Variants in MYO1B observed in about 807,000 individuals in gnomAD.
The protein encoded by MYO1B is myosin IB.
MYO1B carries 72 observed loss-of-function variants against 159.7 expected under a neutral mutation model. That is an observed-to-expected ratio of 0.45 (90% CI 0.37 to 0.55). MYO1B has a LOEUF of 0.55. MYO1B is among the 20% of genes least tolerant of loss of function. MYO1B has a pLI of 0.00. For synonymous variants in MYO1B, 468 were observed against 473.8 expected (o/e 0.99, Z 0.16); for missense variants, 1,062 against 1,364.8 (o/e 0.78, Z 3.50).
intron 11 of MYO1B, among the ~76,000 whole-genome samples, chr2:191,367,910 A>T (rs1215178025): frequency 6.6e-6 from 1 of 152,242 alleles, no homozygotes; most frequent in Non-Finnish European, 1.5e-5. Flanking sequence ...GAAAGCAAAA[A>T]CTAGAAGAAA....
At chr2:191,371,740 C>G (rs1694377530) in intron 13 of MYO1B, among the ~76,000 whole-genome samples, 1 of 152,160 alleles carries the variant, frequency 6.6e-6, no homozygotes, top group African/African-American at 2.4e-5. Context: ...TGTGGTAAGT[C>G]TCTGACTCCC....
intron 7 of MYO1B, among the ~76,000 whole-genome samples, chr2:191,354,797 A>G (rs1016076019): frequency 1.3e-5 from 2 of 152,168 alleles, no homozygotes; most frequent in African/African-American, 4.8e-5. Context: ...GCTGTACTCT[A>G]TGTAGTCACA....
chr2:191,271,439 C>A lies in MYO1B; in HGVS notation c.-9-5448C>A, dbSNP rs111534218. On this transcript the variant is annotated intron_variant, in intron 1 of 30. Transcript: ENST00000392318. ...CTGCAATCCCAGCACTTTGGAACTT[C>A]AAGGCAGAAGGATCATTTGAAACCT... Among the ~76,000 whole-genome samples, 563 of 152,182 alleles carry A rather than the reference C, an allele frequency of 3.7e-3. 3 individuals are homozygous for A. Among genetic ancestry groups the A allele is most frequent in the Non-Finnish European group, 6.0e-3 (410 of 68,018 alleles).
intron 13 of MYO1B, among the ~76,000 whole-genome samples, chr2:191,374,462 G>T (rs1694572521): frequency 6.6e-6 from 1 of 152,162 alleles, no homozygotes; most frequent in African/African-American, 2.4e-5. Flanking sequence ...GCGTCTAGTT[G>T]TCCCATGGCC....
intron 1 of MYO1B, among the ~76,000 whole-genome samples, chr2:191,271,905 A>G (rs1000566014): frequency 5.3e-5 from 8 of 152,180 alleles, no homozygotes; most frequent in African/African-American, 1.9e-4. Context: ...TGATGTTGAC[A>G]TATGGTAGGT....
chr2:191,275,915 A>C (rs571437351), intron 1 of MYO1B, among the ~76,000 whole-genome samples: 1 of 152,254 alleles, frequency 6.6e-6, no homozygotes, highest in Non-Finnish European at 1.5e-5. Context: ...GATTTTTAGT[A>C]CTCTTGACAG....
intron 1 of MYO1B, among the ~76,000 whole-genome samples, chr2:191,260,109 C>G (rs545829255): frequency 6.6e-6 from 1 of 151,950 alleles, no homozygotes; most frequent in Non-Finnish European, 1.5e-5. Flanking sequence ...AAGGAGTGTC[C>G]GGAGGTGGGA....
intron 2 of MYO1B, among the ~76,000 whole-genome samples, chr2:191,285,786 A>G (rs975255518): frequency 6.6e-6 from 1 of 152,170 alleles, no homozygotes; most frequent in Non-Finnish European, 1.5e-5. Flanking sequence ...GCTCATTGAT[A>G]CCAGAACTGG....
intron 24 of MYO1B, among the ~76,000 whole-genome samples, chr2:191,406,335 T>C: frequency 6.6e-6 from 1 of 152,242 alleles, no homozygotes; most frequent in Non-Finnish European, 1.5e-5. Flanking sequence ...AATAACACTT[T>C]TAATTTCCTT....
At chr2:191,389,105 A>G (rs1574580370) in intron 17 of MYO1B, among the ~76,000 whole-genome samples, 1 of 152,090 alleles carries the variant, frequency 6.6e-6, no homozygotes, top group Non-Finnish European at 1.5e-5. Flanking sequence ...TGTTGAATGT[A>G]TATGTAGGGA....
At chr2:191,251,228 G>T (rs1484843170) in intron 1 of MYO1B, among the ~76,000 whole-genome samples, 1 of 152,188 alleles carries the variant, frequency 6.6e-6, no homozygotes, top group Non-Finnish European at 1.5e-5. Flanking sequence ...GAGTTTCAGG[G>T]CGTTTGTCTG....
intron 14 of MYO1B, among the ~76,000 whole-genome samples, chr2:191,382,209 CTTTT>C (rs545680230): frequency 2.0e-5 from 3 of 151,270 alleles, no homozygotes; most frequent in African/African-American, 7.3e-5. Flanking sequence ...TTTTTATTTC[CTTTT>C]TTGTTTATTT....
chr2:191,322,950 T>G (rs944771850), intron 3 of MYO1B, among the ~76,000 whole-genome samples: 2 of 152,142 alleles, frequency 1.3e-5, no homozygotes, highest in African/African-American at 4.8e-5. Context: ...GGTTAGCTTT[T>G]TTCGTGGTTA....
intron 3 of MYO1B, among the ~76,000 whole-genome samples, chr2:191,297,564 A>ATAT (rs1446361045): frequency 2.6e-5 from 4 of 152,226 alleles, no homozygotes; most frequent in Non-Finnish European, 4.4e-5. Context: ...TATGCTGAAA[A>ATAT]CAACCCCAAA....
chr2:191,262,465 T>C (rs1183828845), intron 1 of MYO1B, among the ~76,000 whole-genome samples: 1 of 152,192 alleles, frequency 6.6e-6, no homozygotes, highest in Non-Finnish European at 1.5e-5. Context: ...TTTTGGTGGC[T>C]CCCTGTCATC....
chr2:191,333,027 T>C (rs147629076), intron 4 of MYO1B, among the ~76,000 whole-genome samples: 44 of 152,338 alleles, frequency 2.9e-4, no homozygotes, highest in African/African-American at 9.9e-4. Context: ...CTCCTGTCTT[T>C]ATTTAAGTAA....
intron 8 of MYO1B, 95 bp from the exon 9 acceptor site, chr2:191,362,173 C>T (rs1693710986): frequency 9.4e-6 from 8 of 848,040 alleles, no homozygotes; most frequent in Admixed American, 2.3e-5. Context: ...ATATAAAAGC[C>T]ATGTTACCGA....
rs1205107696 is a variant in MYO1B at position 191,424,852 on chromosome 2, C to T, written c.*892C>T. ...TTTAAACACCTAACAAAGTAAAGGG[C>T]TAAAAGCCATTCAGATAGCAGTAAA... On this transcript the variant is annotated 3_prime_UTR_variant, in exon 31 of 31. Coordinates refer to ENST00000392318, the MANE Select transcript of MYO1B (RefSeq NM_001130158.3). The T allele has an allele frequency of 6.6e-6, 1 of 152,472 alleles. No individual in the cohort carries two copies. The highest frequency in any genetic ancestry group is 2.4e-5 in the African/African-American group (1 of 41,414). 9.4% of individuals were successfully genotyped at this position (152,472 alleles called of 1,614,324 possible).
chr2:191,330,394 A>C (rs1432032215), intron 4 of MYO1B, among the ~76,000 whole-genome samples: 2 of 152,226 alleles, frequency 1.3e-5, no homozygotes, highest in Non-Finnish European at 2.9e-5. Flanking sequence ...GGGTACAAAC[A>C]CACTCTACCT....
Sources: allele counts gnomAD v4.1 joint callset (sites outside exome capture counted in the v4.1 genomes callset), GRCh38; gene constraint gnomAD v4.1.1; transcripts MANE v1.5; gene names NCBI Gene and HGNC (gene_info 2026-07-23, HGNC 2026-07-21).